LRTM3: variants seen among roughly 807,000 people sequenced by gnomAD.
The protein encoded by LRTM3 is leucine-rich repeat transmembrane protein 3.
At chr13:102,743,469 C>T in the LRTM3 span, 1,549,223 of 1,550,152 alleles carry the variant, frequency 1, 774,152 homozygotes, top group East Asian at 1. Flanking sequence ...GTAAACTGCC[C>T]ACTGATTTTA....
chr13:102,742,777 T>C, the LRTM3 span: 2 of 1,550,586 alleles, frequency 1.3e-6, no homozygotes, highest in Non-Finnish European at 1.7e-6. Flanking sequence ...CTGAAGCAGG[T>C]GAATGCCTGC....
chr13:102,730,426 A>G, the LRTM3 span: 1 of 1,551,060 alleles, frequency 6.4e-7, no homozygotes, highest in South Asian at 1.2e-5. Flanking sequence ...CACATGAAAC[A>G]GCTGAACCAG....
chr13:102,740,864 A>G, the LRTM3 span: 1 of 1,549,982 alleles, frequency 6.5e-7, no homozygotes. Context: ...CTTAATCTGA[A>G]GTACGTCCAT....
chr13:102,758,966 A>T, the LRTM3 span: 6 of 1,256,068 alleles, frequency 4.8e-6, no homozygotes, highest in African/African-American at 1.5e-5. Flanking sequence ...CTGGTGTCTC[A>T]TTCAGAAGTC....
the LRTM3 span, chr13:102,739,688 T>A: frequency 1.3e-6 from 2 of 1,550,136 alleles, no homozygotes; most frequent in African/African-American, 2.7e-5. Context: ...TCTTTTCATA[T>A]CCATTGCTTT....
the LRTM3 span, among the ~76,000 whole-genome samples, chr13:102,755,489 G>A: frequency 6.6e-6 from 1 of 152,136 alleles, no homozygotes; most frequent in African/African-American, 2.4e-5. Context: ...ATGAGATCAT[G>A]GCCTTTGCAG....
chr13:102,739,783 C>T, the LRTM3 span: 2 of 1,548,952 alleles, frequency 1.3e-6, no homozygotes, highest in South Asian at 2.4e-5. Context: ...TTTCTTTATT[C>T]AATTTGAAGT....
chr13:102,732,272 A>G, the LRTM3 span: 1 of 1,551,390 alleles, frequency 6.4e-7, no homozygotes, highest in South Asian at 1.2e-5. Flanking sequence ...TCTGATAAAT[A>G]TTCCTGAGAC....
the LRTM3 span, chr13:102,739,615 TA>T: frequency 1.3e-6 from 2 of 1,550,546 alleles, no homozygotes; most frequent in Non-Finnish European, 1.7e-6. Flanking sequence ...GAAATTCCTT[TA>T]TACTGAGTAT....
At chr13:102,732,140 T>C in the LRTM3 span, 1 of 1,551,364 alleles carries the variant, frequency 6.4e-7, no homozygotes, top group Non-Finnish European at 8.7e-7. Flanking sequence ...AGTGTCTCTC[T>C]TAGACATTTC....
chr13:102,733,773 G>C, the LRTM3 span: 1 of 1,551,344 alleles, frequency 6.4e-7, no homozygotes. Flanking sequence ...GACCTGACTC[G>C]TGAAGGTTGG....
the LRTM3 span, chr13:102,748,313 CT>C: frequency 6.4e-7 from 1 of 1,551,158 alleles, no homozygotes; most frequent in Admixed American, 2.0e-5. Context: ...CAGATTTACA[CT>C]TTCTGTATTC....
the LRTM3 span, chr13:102,743,103 T>C: frequency 1.3e-6 from 2 of 1,550,360 alleles, no homozygotes; most frequent in Non-Finnish European, 8.7e-7. Context: ...GTGTTTGCCA[T>C]GAAGTTTTCT....
At chr13:102,729,820 G>A in the LRTM3 span, 1 of 1,551,796 alleles carries the variant, frequency 6.4e-7, no homozygotes, top group Non-Finnish European at 8.7e-7. Context: ...TGTAATCGTG[G>A]TCCCAATGAC....
chr13:102,737,982 C>T, the LRTM3 span: 3,078 of 1,550,996 alleles, frequency 2.0e-3, 55 homozygotes, highest in South Asian at 0.026. Context: ...TCTTCAACTT[C>T]GTGATCCATT....
At chr13:102,748,614 A>T in the LRTM3 span, 2 of 1,550,794 alleles carry the variant, frequency 1.3e-6, no homozygotes, top group South Asian at 1.2e-5. Context: ...ATAGGTTTTG[A>T]TATAGCTTCT....
chr13:102,758,442 A>G, the LRTM3 span: 2 of 1,537,176 alleles, frequency 1.3e-6, no homozygotes, highest in Non-Finnish European at 8.8e-7. Context: ...TAACTGACCA[A>G]TTCTCTGGAG....
the LRTM3 span, chr13:102,745,638 G>T: frequency 6.4e-7 from 1 of 1,551,024 alleles, no homozygotes; most frequent in Non-Finnish European, 8.7e-7. Flanking sequence ...GTCGTTTTAG[G>T]TGTAGATAAA....
the LRTM3 span, chr13:102,741,389 T>G: frequency 4.5e-6 from 7 of 1,549,908 alleles, no homozygotes; most frequent in Non-Finnish European, 6.1e-6. Flanking sequence ...CACCTGTTCT[T>G]TCTGCTCTGC....
Sources: allele counts gnomAD v4.1 joint callset (sites outside exome capture counted in the v4.1 genomes callset), GRCh38; gene constraint gnomAD v4.1.1; transcripts MANE v1.5; gene names NCBI Gene and HGNC (gene_info 2026-07-23, HGNC 2026-07-21).